IKZF2: variants seen among roughly 807,000 people sequenced by gnomAD.
The protein encoded by IKZF2 is zinc finger protein Helios.
A neutral mutation model predicts 49.2 loss-of-function variants in IKZF2; 15 were observed. The ratio of observed to expected loss-of-function variants is 0.30; its 90% CI spans 0.20 to 0.47. The LOEUF (loss-of-function observed/expected upper bound fraction) is 0.47, where lower values mean the gene tolerates loss of function less well. IKZF2 is among the 20% of genes least tolerant of loss of function. The pLI is 1.00. For synonymous variants in IKZF2, 227 were observed against 221.4 expected, an observed-to-expected ratio of 1.03 and a Z score of -0.23; for missense variants, 567 against 664.6, an observed-to-expected ratio of 0.85 and a Z score of 1.61.
Position 213,000,453 on chromosome 2 carries a change from T to C in IKZF2, c.*6907A>G, listed in dbSNP as rs1198509630. 6.6e-6 allele frequency: 1 copy of C among 151,526 alleles called. No individual in the cohort carries two copies. The highest frequency in any genetic ancestry group is 1.5e-5 in the Non-Finnish European group (1 of 67,528). The allele number at this position is 151,526 out of a possible 1,614,324, so 9.4% of individuals were successfully genotyped here. A position where few individuals can be genotyped will look rare whatever the true frequency, so the allele number is the denominator to read the frequency against. On this transcript the variant is annotated 3_prime_UTR_variant, in exon 9 of 9. Coordinates refer to ENST00000434687, the MANE Select transcript of IKZF2 (RefSeq NM_001387220.1). ...CTTTGGTATTGTTAAAGAAAGAATA[T>C]CTAAAATGGCCAAGACACATACTGT...
intron 4 of IKZF2, among the ~76,000 whole-genome samples, chr2:213,115,144 T>C (rs764557890): frequency 3.3e-4 from 50 of 152,230 alleles, no homozygotes; most frequent in Non-Finnish European, 5.4e-4. Flanking sequence ...GCATACTGCA[T>C]GTTCCTACAC....
intron 4 of IKZF2, among the ~76,000 whole-genome samples, chr2:213,115,116 C>T (rs1188271422): frequency 2.0e-5 from 3 of 152,092 alleles, no homozygotes; most frequent in East Asian, 1.9e-4. Context: ...TATATACAAT[C>T]GCATACATTA....
At chr2:213,024,928 T>A (rs917513886) in intron 6 of IKZF2, among the ~76,000 whole-genome samples, 2 of 152,114 alleles carry the variant, frequency 1.3e-5, no homozygotes, top group African/African-American at 2.4e-5. Flanking sequence ...ACATATAACA[T>A]ATATATTCAT....
chr2:213,136,738 T>A (rs2060690789), intron 4 of IKZF2, among the ~76,000 whole-genome samples: 1 of 152,190 alleles, frequency 6.6e-6, no homozygotes. Context: ...GTAGAACTAT[T>A]TAGAATAAAA....
chr2:213,110,079 A>C (rs1012882531), intron 4 of IKZF2, among the ~76,000 whole-genome samples: 2 of 152,058 alleles, frequency 1.3e-5, no homozygotes, highest in South Asian at 2.1e-4. Flanking sequence ...AGTTTCTTAC[A>C]GTTCCACTGG....
At chr2:213,145,530 A>C (rs1034431028) in intron 4 of IKZF2, among the ~76,000 whole-genome samples, 1 of 152,090 alleles carries the variant, frequency 6.6e-6, no homozygotes, top group Non-Finnish European at 1.5e-5. Flanking sequence ...ACAGAAAAAC[A>C]TCAGAGTGAC....
intron 4 of IKZF2, among the ~76,000 whole-genome samples, chr2:213,136,058 A>G (rs2060650822): frequency 1.3e-5 from 2 of 150,194 alleles, no homozygotes; most frequent in Non-Finnish European, 3.0e-5. Flanking sequence ...CAAAAAAAAA[A>G]AAAAGAAAGA....
intron 4 of IKZF2, among the ~76,000 whole-genome samples, chr2:213,083,551 C>CTTTTT (rs35297007): frequency 8.5e-5 from 8 of 93,950 alleles, no homozygotes; most frequent in East Asian, 3.2e-4. Context: ...ACCAGGCTAA[C>CTTTTT]TTTTTTTTTT....
At chr2:213,018,826 T>C (rs1323184447) in intron 7 of IKZF2, among the ~76,000 whole-genome samples, 10 of 152,150 alleles carry the variant, frequency 6.6e-5, no homozygotes. Context: ...GTATCCTGCC[T>C]GATATATGCA....
intron 6 of IKZF2, among the ~76,000 whole-genome samples, chr2:213,038,249 C>T (rs1451160662): frequency 2.0e-5 from 3 of 151,994 alleles, no homozygotes; most frequent in African/African-American, 7.2e-5. Context: ...TGAGTAGAGA[C>T]GGGGTTTCAC....
chr2:213,023,307 A>C (rs1697430572), intron 6 of IKZF2, among the ~76,000 whole-genome samples: 1 of 152,216 alleles, frequency 6.6e-6, no homozygotes, highest in Non-Finnish European at 1.5e-5. Context: ...GGCTGCCTGA[A>C]AGTTTCACTG....
At chr2:213,127,318 T>C (rs1332267545) in intron 4 of IKZF2, among the ~76,000 whole-genome samples, 2 of 152,202 alleles carry the variant, frequency 1.3e-5, no homozygotes, top group Non-Finnish European at 2.9e-5. Flanking sequence ...CTTTACATAC[T>C]AATTTCAAAC....
intron 4 of IKZF2, among the ~76,000 whole-genome samples, chr2:213,076,726 G>T (rs1159071564): frequency 1.3e-5 from 2 of 152,152 alleles, no homozygotes; most frequent in African/African-American, 4.8e-5. Flanking sequence ...AAGCTTGAGA[G>T]ATGTCCAACT....
intron 4 of IKZF2, among the ~76,000 whole-genome samples, chr2:213,087,036 T>C (rs1392034475): frequency 6.6e-6 from 1 of 152,130 alleles, no homozygotes; most frequent in Non-Finnish European, 1.5e-5. Context: ...ATTTACTCTA[T>C]TCTGAATAAA....
chr2:213,008,308 T>G (rs1278456086), intron 8 of IKZF2, among the ~76,000 whole-genome samples: 2 of 151,778 alleles, frequency 1.3e-5, no homozygotes, highest in Non-Finnish European at 2.9e-5. Flanking sequence ...CTCTGCTCAC[T>G]GCAACCTCCA....
At chr2:213,048,852 A>G (rs1354110973) in intron 6 of IKZF2, among the ~76,000 whole-genome samples, 1 of 152,032 alleles carries the variant, frequency 6.6e-6, no homozygotes, top group Non-Finnish European at 1.5e-5. Flanking sequence ...CGATTTGTCA[A>G]TGTAGATTAA....
chr2:213,086,550 A>C (rs1442215116), intron 4 of IKZF2, among the ~76,000 whole-genome samples: 2 of 152,116 alleles, frequency 1.3e-5, no homozygotes, highest in Non-Finnish European at 2.9e-5. Flanking sequence ...ATTATTTTTC[A>C]CACATAAACA....
At chr2:213,094,612 G>A (rs576119598) in intron 4 of IKZF2, among the ~76,000 whole-genome samples, 2 of 152,184 alleles carry the variant, frequency 1.3e-5, no homozygotes, top group East Asian at 3.9e-4. Flanking sequence ...TATTAAGCAG[G>A]GTACCCACAA....
At chr2:213,115,473 A>C (rs924423528) in intron 4 of IKZF2, among the ~76,000 whole-genome samples, 1 of 152,232 alleles carries the variant, frequency 6.6e-6, no homozygotes, top group Non-Finnish European at 1.5e-5. Flanking sequence ...GTCTCTCAAA[A>C]TGATAGCAAA....
Sources: gnomAD v4.1 joint callset for allele counts (sites outside exome capture counted in the v4.1 genomes callset) on GRCh38, gnomAD v4.1.1 for gene constraint, MANE v1.5 for transcripts, NCBI Gene and HGNC (gene_info 2026-07-23, HGNC 2026-07-21) for gene names.